The following CELF4 variants were observed in gnomAD, a reference collection of about 807,000 sequenced individuals.
CELF4 encodes the protein CUG-BP- and ETR-3-like factor 4.
Under a neutral mutation model 59.9 loss-of-function variants are expected in CELF4, and 18 were observed. The observed-to-expected ratio is 0.30, with a 90% CI of 0.21 to 0.45. CELF4 has a LOEUF of 0.45. Ranked by LOEUF, CELF4 falls within the 20% of genes least tolerant of loss-of-function variation. The pLI, the probability that CELF4 is intolerant of heterozygous loss-of-function variation, is 1.00. For missense variants in CELF4, 456 were observed against 689.0 expected (o/e 0.66, Z 3.79); for synonymous variants, 261 against 267.1 (o/e 0.98, Z 0.22).
chr18:37,326,570 G>C (rs1159240856), intron 2 of CELF4, among the ~76,000 whole-genome samples: 3 of 152,184 alleles, frequency 2.0e-5, no homozygotes, highest in Admixed American at 2.0e-4. Flanking sequence ...CCAGGTGCCT[G>C]AAGGGGATTT....
chr18:37,261,248 C>T (rs1368659607), intron 10 of CELF4, among the ~76,000 whole-genome samples: 4 of 151,126 alleles, frequency 2.6e-5, no homozygotes, highest in Middle Eastern at 3.2e-3. Flanking sequence ...GCCCCCCCCA[C>T]ACCTCCCTTC....
intron 2 of CELF4, among the ~76,000 whole-genome samples, chr18:37,427,014 G>A (rs1040248114): frequency 4.5e-4 from 62 of 138,810 alleles, no homozygotes; most frequent in African/African-American, 1.6e-3. Context: ...CAGACTTGGC[G>A]GGTGCTGGCA....
chr18:37,379,475 C>G (rs1953372884), intron 2 of CELF4, among the ~76,000 whole-genome samples: 1 of 123,584 alleles, frequency 8.1e-6, no homozygotes, highest in South Asian at 2.6e-4. Context: ...TCATAATGGC[C>G]AGCTCTGGCA....
At chr18:37,315,921 G>C (rs967452191) in intron 3 of CELF4, among the ~76,000 whole-genome samples, 33 of 152,206 alleles carry the variant, frequency 2.2e-4, no homozygotes, top group African/African-American at 8.0e-4. Flanking sequence ...ATGGTAGTCA[G>C]AGCCTCTACC....
chr18:37,251,957 C>A (rs998549848), intron 12 of CELF4, among the ~76,000 whole-genome samples: 3 of 152,118 alleles, frequency 2.0e-5, no homozygotes, highest in Non-Finnish European at 4.4e-5. Context: ...GGATGGGAAA[C>A]CAGGAGGCAG....
intron 1 of CELF4, among the ~76,000 whole-genome samples, chr18:37,521,046 G>C (rs1240266067): frequency 6.6e-6 from 1 of 151,670 alleles, no homozygotes; most frequent in East Asian, 1.9e-4. Context: ...ACAGCCTAGG[G>C]GATGGGATGT....
At chr18:37,514,980 C>T (rs942633400) in intron 1 of CELF4, among the ~76,000 whole-genome samples, 5 of 151,886 alleles carry the variant, frequency 3.3e-5, no homozygotes, top group African/African-American at 1.2e-4. Context: ...AAAAAAATGC[C>T]CCATTTCCCT....
intron 2 of CELF4, among the ~76,000 whole-genome samples, chr18:37,345,603 T>C (rs934193793): frequency 5.9e-5 from 9 of 151,862 alleles, no homozygotes; most frequent in East Asian, 3.9e-4. Context: ...ATGGGTGGAG[T>C]GGCAGCCTGG....
chr18:37,360,975 G>C (rs1409869351), intron 2 of CELF4, among the ~76,000 whole-genome samples: 2 of 152,322 alleles, frequency 1.3e-5, no homozygotes, highest in Non-Finnish European at 1.5e-5. Context: ...TATAAAACAA[G>C]ACCTAGCACA....
At chr18:37,427,302 C>A (rs2099620411) in intron 2 of CELF4, among the ~76,000 whole-genome samples, 1 of 152,194 alleles carries the variant, frequency 6.6e-6, no homozygotes, top group Admixed American at 6.5e-5. Context: ...CAGGAAATAG[C>A]ACAGGTGGCT....
At chr18:37,483,513 C>A (rs572781947) in intron 2 of CELF4, among the ~76,000 whole-genome samples, 1 of 152,220 alleles carries the variant, frequency 6.6e-6, no homozygotes, top group Non-Finnish European at 1.5e-5. Flanking sequence ...ATCTTCCCCC[C>A]TCCCCGTCCC....
intron 1 of CELF4, among the ~76,000 whole-genome samples, chr18:37,507,884 G>A (rs1443122568): frequency 6.6e-6 from 1 of 152,080 alleles, no homozygotes; most frequent in Non-Finnish European, 1.5e-5. Flanking sequence ...CCTGGGTTCT[G>A]CCACGCTGGT....
intron 2 of CELF4, among the ~76,000 whole-genome samples, chr18:37,471,547 C>A (rs2099830918): frequency 6.6e-6 from 1 of 152,106 alleles, no homozygotes; most frequent in African/African-American, 2.4e-5. Context: ...CTGGAGCCCC[C>A]TCCATCCACC....
At chr18:37,411,349 C>T (rs7226513) in intron 2 of CELF4, among the ~76,000 whole-genome samples, 2,402 of 152,168 alleles carry the variant, frequency 0.016, 59 homozygotes, top group African/African-American at 0.054. Context: ...GTGTGGGAGA[C>T]GTGTGTGTTT....
intron 2 of CELF4, among the ~76,000 whole-genome samples, chr18:37,478,882 C>A (rs1226855949): frequency 6.6e-6 from 1 of 152,206 alleles, no homozygotes; most frequent in East Asian, 1.9e-4. Context: ...GCTGGAAAGC[C>A]TGGCTAGGGC....
intron 1 of CELF4, among the ~76,000 whole-genome samples, chr18:37,532,497 C>T (rs1056068913): frequency 3.5e-4 from 54 of 152,238 alleles, no homozygotes; most frequent in African/African-American, 1.2e-3. Flanking sequence ...GATGAAAGAC[C>T]AGACATTTAA....
intron 2 of CELF4, among the ~76,000 whole-genome samples, chr18:37,367,823 A>G (rs1056376966): frequency 6.6e-6 from 1 of 152,026 alleles, no homozygotes; most frequent in Non-Finnish European, 1.5e-5. Context: ...GTGAAGTGGG[A>G]AAGTTCATCC....
intron 1 of CELF4, among the ~76,000 whole-genome samples, chr18:37,507,959 C>T (rs1029720836): frequency 6.6e-6 from 1 of 152,204 alleles, no homozygotes; most frequent in Admixed American, 6.5e-5. Flanking sequence ...CTCACTTACC[C>T]CACAGCCATC....
chr18:37,323,024 C>T (rs981518807), intron 2 of CELF4, among the ~76,000 whole-genome samples: 2 of 152,184 alleles, frequency 1.3e-5, no homozygotes, highest in South Asian at 4.1e-4. Flanking sequence ...AATTCCCTCC[C>T]GTACAGCGGC....
Sources: allele counts gnomAD v4.1 joint callset (sites outside exome capture counted in the v4.1 genomes callset), GRCh38; gene constraint gnomAD v4.1.1; transcripts MANE v1.5; gene names NCBI Gene and HGNC (gene_info 2026-07-23, HGNC 2026-07-21).